The following ACTR3 variants were observed in gnomAD, a reference collection of about 807,000 sequenced individuals.
ACTR3 encodes actin related protein 3.
In ACTR3, 12 loss-of-function variants were observed where a neutral mutation model predicts 56.8. The observed-to-expected ratio is 0.21, with a 90% CI of 0.14 to 0.34. The LOEUF is 0.34. ACTR3 is among the 10% of genes least tolerant of loss of function. The probability of loss-of-function intolerance (pLI) is 1.00; values close to 1 mark genes in which losing one functional copy is unlikely to be tolerated. For synonymous variants in ACTR3, 162 were observed against 167.4 expected, an observed-to-expected ratio of 0.97 and a Z score of 0.25; for missense variants, 282 against 512.5, an observed-to-expected ratio of 0.55 and a Z score of 4.34.
chr2:113,916,138 G>A (rs1679400887), intron 2 of ACTR3, among the ~76,000 whole-genome samples: 1 of 152,124 alleles, frequency 6.6e-6, no homozygotes, highest in African/African-American at 2.4e-5. Context: ...CTTTCTTAAG[G>A]ATATAGCTGT....
At chr2:113,953,915 C>G (rs1241439283) in intron 10 of ACTR3, 2 of 152,178 alleles carry the variant, frequency 1.3e-5, no homozygotes, top group Admixed American at 1.3e-4. Context: ...AGGATCCAAT[C>G]AAGGATTGCA....
intron 8 of ACTR3, among the ~76,000 whole-genome samples, chr2:113,949,410 A>AAAT (rs1680081661): frequency 6.6e-6 from 1 of 151,526 alleles, no homozygotes; most frequent in African/African-American, 2.4e-5. Context: ...AAAAAAGAAA[A>AAAT]AATTGACACA....
chr2:113,908,973 T>A (rs1001896909), intron 1 of ACTR3, among the ~76,000 whole-genome samples: 6 of 152,180 alleles, frequency 3.9e-5, no homozygotes, highest in Admixed American at 2.0e-4. Context: ...CTCATATTTT[T>A]TAAGAATTGG....
intron 3 of ACTR3, 138 bp downstream of exon 3, chr2:113,917,146 GGCAT>G: frequency 1.5e-6 from 1 of 674,646 alleles, no homozygotes. Context: ...TTTTCCCTAT[GGCAT>G]CCTTCCCTGT....
chr2:113,937,972 G>A (rs1334401152), intron 6 of ACTR3, among the ~76,000 whole-genome samples: 6 of 151,976 alleles, frequency 3.9e-5, no homozygotes. Flanking sequence ...CTAATCACAT[G>A]TATATTAGGC....
chr2:113,923,347 TTTG>T (rs749300877), intron 3 of ACTR3, among the ~76,000 whole-genome samples: 13,951 of 60,438 alleles, frequency 0.23, 1,066 homozygotes, highest in South Asian at 0.28. Context: ...TGTTTGTTTG[TTTG>T]TTTTTGAGAC....
At position 113,961,544 on chromosome 2, in the gene ACTR3, C is replaced by T. The variant is rs756057825; in HGVS notation, c.*4089C>T. ...TTATAATTACATTAAAACTAAGATG[C>T]TGAATTAAAATAAAGTTTCTCTTTT... On this transcript the variant is annotated 3_prime_UTR_variant, in exon 12 of 12. Transcript: ENST00000263238. The T allele has an allele frequency of 2.0e-5, 3 of 152,034 alleles. No individual in the cohort carries two copies. Among genetic ancestry groups the T allele is most frequent in the Non-Finnish European group, 4.4e-5 (3 of 67,862 alleles). 9.4% of individuals were successfully genotyped at this position (152,034 alleles called of 1,614,324 possible).
chr2:113,899,444 A>G (rs1040482024), intron 1 of ACTR3, among the ~76,000 whole-genome samples: 1 of 152,232 alleles, frequency 6.6e-6, no homozygotes, highest in African/African-American at 2.4e-5. Context: ...GCTGAACACT[A>G]TGGTATATAC....
intron 3 of ACTR3, 97 bp downstream of exon 3, chr2:113,917,105 AT>A: frequency 9.8e-7 from 1 of 1,023,728 alleles, no homozygotes; most frequent in South Asian, 2.8e-5. Flanking sequence ...CCTTATTAAT[AT>A]CCTCAAACCT....
chr2:113,916,465 G>A (rs1209135034), intron 2 of ACTR3, among the ~76,000 whole-genome samples: 1 of 152,120 alleles, frequency 6.6e-6, no homozygotes, highest in African/African-American at 2.4e-5. Context: ...TAGTGATAGG[G>A]TAGAGATGTA....
chr2:113,923,835 C>T (rs569590852), intron 3 of ACTR3, among the ~76,000 whole-genome samples: 1 of 151,926 alleles, frequency 6.6e-6, no homozygotes, highest in South Asian at 2.1e-4. Flanking sequence ...TGTCTGCAAC[C>T]ACAGACCAGA....
At chr2:113,894,253 C>T (rs553812567) in intron 1 of ACTR3, among the ~76,000 whole-genome samples, 1 of 152,176 alleles carries the variant, frequency 6.6e-6, no homozygotes, top group East Asian at 1.9e-4. Flanking sequence ...CTACCACGCC[C>T]AGCTAAATTT....
chr2:113,957,264 A>G, intron 11 of ACTR3, 96 bp from the exon 12 acceptor site: 1 of 818,306 alleles, frequency 1.2e-6, no homozygotes, highest in East Asian at 2.6e-5. Context: ...TAGACTTAAC[A>G]TCTATTTTAA....
chr2:113,931,359 A>G lies in ACTR3; in HGVS notation c.395A>G (p.Glu132Gly). The G allele has an allele frequency of 6.2e-7, 1 of 1,601,132 alleles. No individual in the cohort carries two copies. ...NREYTAEIMF[E>G]SFNVPGLYIA... ...GAATATACTGCTGAAATAATGTTTG[A>G]GTCCTTCAATGTTCCAGGCTTGTAC... Residue 132 changes from glutamate (E) to glycine (G), a missense_variant, in exon 5 of 12, where the codon GAG (glutamate) becomes GGG (glycine). Glu to Gly is a moderately conservative substitution (Grantham distance 98). Coordinates refer to ENST00000263238, the MANE Select transcript of ACTR3 (RefSeq NM_005721.5).
rs1011186695 is a variant in ACTR3, at chr2:113,957,511, T to C, written c.*56T>C. 8.4e-6 allele frequency: 12 copies of C among 1,422,370 alleles called. No homozygotes were observed. Among genetic ancestry groups the C allele is most frequent in the Non-Finnish European group, 1.2e-5 (12 of 1,008,750 alleles). 88.1% of individuals were successfully genotyped at this position (1,422,370 alleles called of 1,614,324 possible). On this transcript the variant is annotated 3_prime_UTR_variant, in exon 12 of 12. Coordinates refer to ENST00000263238, the MANE Select transcript of ACTR3 (RefSeq NM_005721.5). ...GGTGGGGAAGAGATAATCTTTCTGA[T>C]TACCTGTTTTGTCTGGATGGCTGGT...
chr2:113,932,926 AC>A (rs1168588405), intron 5 of ACTR3, among the ~76,000 whole-genome samples: 1 of 152,204 alleles, frequency 6.6e-6, no homozygotes, highest in African/African-American at 2.4e-5. Context: ...TTTAGCTATT[AC>A]AGTCCAGGTA....
At chr2:113,897,088 T>TA (rs545939099) in intron 1 of ACTR3, among the ~76,000 whole-genome samples, 23 of 152,308 alleles carry the variant, frequency 1.5e-4, no homozygotes, top group African/African-American at 5.3e-4. Context: ...TAATCAGTGA[T>TA]AGACAGTAGC....
intron 1 of ACTR3, among the ~76,000 whole-genome samples, 182 bp from the exon 2 acceptor site, chr2:113,912,990 C>G (rs997552162): frequency 1.3e-5 from 2 of 152,080 alleles, no homozygotes; most frequent in African/African-American, 4.8e-5. Flanking sequence ...TTTTCAGAAG[C>G]TCTGTGCATT....
chr2:113,925,661 T>C (rs752895193), intron 3 of ACTR3, among the ~76,000 whole-genome samples: 6 of 152,326 alleles, frequency 3.9e-5, no homozygotes, highest in Non-Finnish European at 5.9e-5. Context: ...ACTTAAAACA[T>C]TTGAATTTGT....
Sources: allele counts gnomAD v4.1 joint callset (sites outside exome capture counted in the v4.1 genomes callset), GRCh38; gene constraint gnomAD v4.1.1; transcripts MANE v1.5; gene names NCBI Gene and HGNC (gene_info 2026-07-23, HGNC 2026-07-21).